The following DSCAML1 variants were observed in gnomAD, a reference collection of about 807,000 sequenced individuals.
DSCAML1 encodes the protein cell adhesion molecule DSCAML1.
A neutral mutation model predicts 200.5 loss-of-function variants in DSCAML1; 38 were observed. That is an observed-to-expected ratio of 0.19 (90% CI 0.15 to 0.25). The LOEUF (loss-of-function observed/expected upper bound fraction) is 0.25. Among genes scored for constraint, DSCAML1 ranks in the 10% least tolerant of loss-of-function variants. The pLI is 1.00. For synonymous variants in DSCAML1, 1,215 were observed against 1,165.0 expected (o/e 1.04, Z -0.87); for missense variants, 2,223 against 2,858.8 (o/e 0.78, Z 5.07).
intron 27 of DSCAML1, among the ~76,000 whole-genome samples, chr11:117,434,769 T>C (rs1169684676): frequency 1.3e-5 from 2 of 151,994 alleles, no homozygotes; most frequent in Non-Finnish European, 2.9e-5. Context: ...ACCACCCATC[T>C]AGTCATTCAA....
chr11:117,748,139 T>A (rs539980141), intron 3 of DSCAML1, among the ~76,000 whole-genome samples: 1 of 152,296 alleles, frequency 6.6e-6, no homozygotes, highest in African/African-American at 2.4e-5. Flanking sequence ...GCGGCAATGA[T>A]ACCAAAATTG....
chr11:117,478,862 C>A (rs981497709), intron 14 of DSCAML1, among the ~76,000 whole-genome samples: 12 of 152,240 alleles, frequency 7.9e-5, no homozygotes, highest in South Asian at 2.1e-4. Context: ...TCCTGGACAA[C>A]CCCTGTTGGC....
intron 3 of DSCAML1, among the ~76,000 whole-genome samples, chr11:117,646,300 A>G (rs536745615): frequency 6.6e-6 from 1 of 151,882 alleles, no homozygotes; most frequent in East Asian, 1.9e-4. Context: ...GAGGTGTGGA[A>G]TCCCAGGGAA....
Position 117,518,791 on chromosome 11 carries a change from G to A in DSCAML1, c.1214-29C>T, listed in dbSNP as rs1399511325. 1 of 1,595,586 alleles carries A rather than the reference G, an allele frequency of 6.3e-7. No individual in the cohort carries two copies. The highest frequency in any genetic ancestry group is 8.5e-7 in the Non-Finnish European group (1 of 1,174,700). Reference sequence around the variant, plus strand: ...CAGGGAGCGAGAAGCCCCCTTCAGGGTCACCAAGCCATGGAGAGACGGTCC... The same window carrying A: ...CAGGGAGCGAGAAGCCCCCTTCAGGATCACCAAGCCATGGAGAGACGGTCC... On this transcript the variant is annotated intron_variant, in intron 6 of 32. Transcript: ENST00000651296. This position sits in a 1 kb window ranked among gnomAD's most constrained non-coding sequence, Gnocchi z 6.3.
At chr11:117,704,226 A>T (rs1387818511) in intron 3 of DSCAML1, among the ~76,000 whole-genome samples, 1 of 151,846 alleles carries the variant, frequency 6.6e-6, no homozygotes, top group Non-Finnish European at 1.5e-5. Context: ...ATAATAATAA[A>T]AATCCCCCTG....
intron 3 of DSCAML1, among the ~76,000 whole-genome samples, chr11:117,544,649 C>G (rs1370897169): frequency 6.6e-6 from 1 of 152,190 alleles, no homozygotes; most frequent in Non-Finnish European, 1.5e-5. Context: ...TCCTTGGACT[C>G]TGAACTCCTA....
chr11:117,793,600 T>C (rs1280501003), intron 1 of DSCAML1, among the ~76,000 whole-genome samples: 2 of 152,138 alleles, frequency 1.3e-5, no homozygotes, highest in African/African-American at 4.8e-5. Context: ...CTTGACCCTG[T>C]GTCTGGGGGC....
At chr11:117,664,489 T>A (rs2052931682) in intron 3 of DSCAML1, among the ~76,000 whole-genome samples, 1 of 152,182 alleles carries the variant, frequency 6.6e-6, no homozygotes, top group African/African-American at 2.4e-5. Context: ...TCAGTTCCCC[T>A]TTCTGCAAAA....
Position 117,444,244 on chromosome 11 carries a change from C to G in DSCAML1, c.3709-205G>C, listed in dbSNP as rs561137038. On this transcript the variant is annotated intron_variant, in intron 20 of 32. Transcript: ENST00000651296. ...GGTCCCTGGGAGCTGATGGGCCTGC[C>G]TCGCGGTGTTGCTGGGTCAGCCTCA... Among the ~76,000 whole-genome samples, 303 of 152,308 alleles carry G rather than the reference C, an allele frequency of 2.0e-3. 1 individual carries two copies. Among genetic ancestry groups the G allele is most frequent in the Admixed American group, 4.4e-3 (67 of 15,296 alleles).
intron 3 of DSCAML1, among the ~76,000 whole-genome samples, chr11:117,645,684 G>A (rs1309714911): frequency 6.8e-6 from 1 of 147,688 alleles, no homozygotes; most frequent in Non-Finnish European, 1.5e-5. Context: ...CTCACTCATA[G>A]GTGGGAATTG....
chr11:117,786,122 C>G (rs2055347996), intron 1 of DSCAML1, among the ~76,000 whole-genome samples: 1 of 152,134 alleles, frequency 6.6e-6, no homozygotes, highest in Non-Finnish European at 1.5e-5. Flanking sequence ...GCAGACAGAA[C>G]CAGGCATATT....
chr11:117,573,333 T>C (rs1034586776), intron 3 of DSCAML1, among the ~76,000 whole-genome samples: 4 of 152,232 alleles, frequency 2.6e-5, no homozygotes, highest in Non-Finnish European at 2.9e-5. Context: ...GATTCCAGTC[T>C]GGAAGAATCT....
intron 3 of DSCAML1, among the ~76,000 whole-genome samples, chr11:117,598,051 A>G (rs1486411847): frequency 1.3e-5 from 2 of 152,204 alleles, no homozygotes; most frequent in Non-Finnish European, 2.9e-5. Flanking sequence ...TTTATTGGTC[A>G]TTTAATTGTT....
chr11:117,717,758 C>T (rs1002432866), intron 3 of DSCAML1, among the ~76,000 whole-genome samples: 3 of 152,192 alleles, frequency 2.0e-5, no homozygotes, highest in African/African-American at 7.2e-5. Context: ...CAGCTGTCCT[C>T]GAGGCACATC....
intron 11 of DSCAML1, among the ~76,000 whole-genome samples, chr11:117,490,250 C>T (rs1367144539): frequency 1.3e-5 from 2 of 152,226 alleles, no homozygotes; most frequent in Non-Finnish European, 2.9e-5. Flanking sequence ...TAACCGGTTC[C>T]CGTCTGTGAA....
chr11:117,709,009 T>C (rs11216509), intron 3 of DSCAML1, among the ~76,000 whole-genome samples: 30,937 of 152,256 alleles, frequency 0.2, 4,010 homozygotes, highest in Admixed American at 0.31. Context: ...GTTTAAACTC[T>C]GAGCTTCAGT....
Position 117,461,519 on chromosome 11 carries a change from G to T in DSCAML1, c.3343C>A (p.Pro1115Thr). The T allele has an allele frequency of 6.2e-7, 1 of 1,614,206 alleles. No individual in the cohort carries two copies. The change falls in exon 18 of 33, where the codon CCG becomes ACG. Residue 1115 changes from proline to threonine, a missense_variant. By Grantham distance (38) the Pro-to-Thr change is conservative (BLOSUM62 -1). Transcript: ENST00000651296. ...AGGACGCCATTGAGGGTGCTGCGCG[G>T]GGGCTCTGACCAGGAGATGACGGCC... ...DVAVISWSEPPRSTLNGVLKG... is the reference protein window; with the variant it reads ...DVAVISWSEPTRSTLNGVLKG...
At position 117,518,777 on chromosome 11, in the gene DSCAML1, A is replaced by G. The variant is rs1242543226; in HGVS notation, c.1214-15T>C. The G allele has an allele frequency of 1.1e-5, 18 of 1,604,950 alleles. No homozygotes were observed. Among genetic ancestry groups the G allele is most frequent in the Non-Finnish European group, 1.5e-5 (18 of 1,178,174 alleles). ...GGGCGTGCCATCTGCAGGGAGCGAG[A>G]AGCCCCCTTCAGGGTCACCAAGCCA... On this transcript the variant is annotated splice_polypyrimidine_tract_variant and intron_variant, in intron 6 of 32. Coordinates refer to ENST00000651296, the MANE Select transcript of DSCAML1 (RefSeq NM_020693.4). This position sits in a 1 kb window ranked among gnomAD's most constrained non-coding sequence, Gnocchi z 6.3.
At position 117,780,242 on chromosome 11, in the gene DSCAML1, AAG is replaced by A. The variant is rs1491385159; in HGVS notation, c.364+249_364+250del. ...GAGAAAGAAAGAAAGGAAAGAAAGA[AAG>A]AAAGAAAGAAAGAAAGAAAGAAAGA... On this transcript the variant is annotated intron_variant, in intron 2 of 32. Coordinates refer to ENST00000651296, the MANE Select transcript of DSCAML1 (RefSeq NM_020693.4). This position sits in a 1 kb window ranked among gnomAD's most constrained non-coding sequence, Gnocchi z 4.8. Among the ~76,000 whole-genome samples, 3 of 76,182 alleles carry A rather than the reference AAG, an allele frequency of 3.9e-5. No homozygotes were observed. Among genetic ancestry groups the A allele is most frequent in the Non-Finnish European group, 5.8e-5 (2 of 34,252 alleles). The allele number at this position is 76,182 out of a possible 152,430, so 50.0% of individuals were successfully genotyped here.
Sources: gnomAD v4.1 joint callset for allele counts (sites outside exome capture counted in the v4.1 genomes callset) on GRCh38, gnomAD v4.1.1 for gene constraint, Gnocchi (gnomAD v3.1) non-coding constraint, MANE v1.5 for transcripts, NCBI Gene and HGNC (gene_info 2026-07-23, HGNC 2026-07-21) for gene names.